Variants in LRP6 observed in about 807,000 individuals in gnomAD.
LRP6 encodes the protein low-density lipoprotein receptor-related protein 6.
A neutral mutation model predicts 184.1 loss-of-function variants in LRP6; 43 were observed. The ratio of observed to expected loss-of-function variants is 0.23; its 90% CI spans 0.18 to 0.30. The LOEUF (loss-of-function observed/expected upper bound fraction) is 0.30, where lower values mean the gene tolerates loss of function less well. LRP6 is among the 10% of genes least tolerant of loss of function. The pLI, the probability that LRP6 is intolerant of heterozygous loss-of-function variation, is 1.00. For missense variants in LRP6, 1,571 were observed against 2,005.3 expected, an observed-to-expected ratio of 0.78 and a Z score of 4.14; for synonymous variants, 719 against 684.9, an observed-to-expected ratio of 1.05 and a Z score of -0.78.
At chr12:12,197,714 TATTA>T (rs1863802075) in intron 3 of LRP6, among the ~76,000 whole-genome samples, 1 of 152,180 alleles carries the variant, frequency 6.6e-6, no homozygotes, top group South Asian at 2.1e-4. Flanking sequence ...AGAATAACAA[TATTA>T]ATTATGACCA....
chr12:12,141,723 G>A (rs1001762273), intron 15 of LRP6, among the ~76,000 whole-genome samples: 1 of 152,184 alleles, frequency 6.6e-6, no homozygotes, highest in Admixed American at 6.5e-5. Flanking sequence ...TGGACTGCTT[G>A]ATGCATATCC....
At chr12:12,260,819 T>C (rs561909492) in intron 1 of LRP6, among the ~76,000 whole-genome samples, 2 of 152,346 alleles carry the variant, frequency 1.3e-5, no homozygotes, top group South Asian at 4.1e-4. Context: ...CTTTCTGCTA[T>C]AGTACCTTCC....
intron 2 of LRP6, chr12:12,210,816 GTGT>G (rs1473311315): frequency 1.3e-5 from 2 of 152,164 alleles, no homozygotes; most frequent in Admixed American, 6.5e-5. Flanking sequence ...AAAAAGAAAA[GTGT>G]TGTGTAAAAT....
chr12:12,178,692 T>G (rs1300586225), intron 7 of LRP6, among the ~76,000 whole-genome samples: 1 of 152,180 alleles, frequency 6.6e-6, no homozygotes, highest in African/African-American at 2.4e-5. Context: ...AACTTGGATT[T>G]GAAAAGAGTG....
chr12:12,127,441 C>T (rs900854270), intron 19 of LRP6, among the ~76,000 whole-genome samples: 4 of 152,134 alleles, frequency 2.6e-5, no homozygotes, highest in Non-Finnish European at 4.4e-5. Flanking sequence ...GACATTTAGG[C>T]CTGATGAATG....
intron 3 of LRP6, among the ~76,000 whole-genome samples, chr12:12,202,137 T>C (rs747564748): frequency 6.6e-6 from 1 of 152,268 alleles, no homozygotes; most frequent in Non-Finnish European, 1.5e-5. Context: ...TCCATGTTTA[T>C]GTTTTACAGA....
At chr12:12,230,013 T>C (rs1001035161) in intron 2 of LRP6, among the ~76,000 whole-genome samples, 1 of 152,228 alleles carries the variant, frequency 6.6e-6, no homozygotes, top group Non-Finnish European at 1.5e-5. Context: ...GGCTGTTATA[T>C]GCTGTTCATT....
chr12:12,259,210 CCAAGAT>C (rs1282222006), intron 1 of LRP6, among the ~76,000 whole-genome samples: 1 of 150,082 alleles, frequency 6.7e-6, no homozygotes, highest in Non-Finnish European at 1.5e-5. Flanking sequence ...TCACAGTGAG[CCAAGAT>C]CATGGCACGG....
chr12:12,200,587 T>A (rs546346970), intron 3 of LRP6, among the ~76,000 whole-genome samples: 1 of 152,364 alleles, frequency 6.6e-6, no homozygotes, highest in African/African-American at 2.4e-5. Flanking sequence ...CATCTTCCCC[T>A]CTGCATACTG....
intron 22 of LRP6, among the ~76,000 whole-genome samples, chr12:12,122,194 T>C (rs1949615297): frequency 2.0e-5 from 3 of 152,216 alleles, no homozygotes; most frequent in Admixed American, 2.0e-4. Flanking sequence ...TTTGTAGCAC[T>C]GCTAACTAAA....
chr12:12,231,037 C>T (rs1263737932), intron 2 of LRP6, among the ~76,000 whole-genome samples: 1 of 151,678 alleles, frequency 6.6e-6, no homozygotes, highest in Admixed American at 6.6e-5. Flanking sequence ...AAAAATTAGC[C>T]GGGTGTGATG....
rs978462045 is a variant in LRP6 at position 12,117,427 on chromosome 12, A to G, written c.*3699T>C. 6.6e-6 allele frequency: 1 copy of G among 152,238 alleles called. No individual in the cohort carries two copies. Among genetic ancestry groups the G allele is most frequent in the Admixed American group, 6.5e-5 (1 of 15,292 alleles). 9.4% of individuals were successfully genotyped at this position (152,238 alleles called of 1,614,324 possible). On this transcript the variant is annotated 3_prime_UTR_variant, in exon 23 of 23. Coordinates refer to ENST00000261349, the MANE Select transcript of LRP6 (RefSeq NM_002336.3). Reference sequence around the variant, plus strand: ...TAAGAGCTGACATATTTCGGATGTGAAAAGTCCAAGATTTTTGTTTCTGAA... The same window carrying G: ...TAAGAGCTGACATATTTCGGATGTGGAAAGTCCAAGATTTTTGTTTCTGAA...
At chr12:12,245,833 G>C (rs1865170360) in intron 1 of LRP6, among the ~76,000 whole-genome samples, 1 of 151,802 alleles carries the variant, frequency 6.6e-6, no homozygotes. Flanking sequence ...CTAGTATCAA[G>C]CAACAATTAA....
intron 2 of LRP6, among the ~76,000 whole-genome samples, chr12:12,207,756 GT>G (rs1490437683): frequency 6.6e-6 from 1 of 152,136 alleles, no homozygotes; most frequent in African/African-American, 2.4e-5. Context: ...TTGCAAGCTA[GT>G]CTCTGGCTGA....
intron 2 of LRP6, among the ~76,000 whole-genome samples, chr12:12,208,884 A>G (rs1291086757): frequency 6.6e-6 from 1 of 152,232 alleles, no homozygotes; most frequent in Non-Finnish European, 1.5e-5. Context: ...GATATCTTTA[A>G]TACACAAATC....
At chr12:12,186,672 T>TC in intron 4 of LRP6, 1 of 392,324 alleles carries the variant, frequency 2.5e-6, no homozygotes, top group East Asian at 5.7e-5. Flanking sequence ...TTTTTTTTTT[T>TC]TTTTGAGACA....
At chr12:12,214,072 T>C (rs1232016350) in intron 2 of LRP6, among the ~76,000 whole-genome samples, 1 of 152,134 alleles carries the variant, frequency 6.6e-6, no homozygotes, top group East Asian at 1.9e-4. Flanking sequence ...ACCCACCCCA[T>C]GGGGTCTTTT....
intron 18 of LRP6, 104 bp downstream of exon 18, chr12:12,131,717 T>C: frequency 1.1e-6 from 1 of 874,544 alleles, no homozygotes; most frequent in South Asian, 1.3e-5. Flanking sequence ...CAGTCATATG[T>C]ACTTGAAAAA....
At chr12:12,250,477 T>C (rs965528733) in intron 1 of LRP6, among the ~76,000 whole-genome samples, 5 of 149,422 alleles carry the variant, frequency 3.3e-5, no homozygotes, top group Middle Eastern at 3.4e-3. Flanking sequence ...ACTTACATGA[T>C]ATTAGCTTTT....
Sources: gnomAD v4.1 joint callset for allele counts (sites outside exome capture counted in the v4.1 genomes callset) on GRCh38, gnomAD v4.1.1 for gene constraint, MANE v1.5 for transcripts, NCBI Gene and HGNC (gene_info 2026-07-23, HGNC 2026-07-21) for gene names.